MRTFB: variants seen among roughly 807,000 people sequenced by gnomAD.
MRTFB encodes myocardin-related transcription factor B.
Under a neutral mutation model 104.2 loss-of-function variants are expected in MRTFB, and 29 were observed. The observed-to-expected ratio is 0.28, with a 90% confidence interval of 0.21 to 0.38. The LOEUF (loss-of-function observed/expected upper bound fraction) is 0.38. Among genes scored for constraint, MRTFB ranks in the 10% least tolerant of loss-of-function variants. The pLI, the probability that MRTFB is intolerant of heterozygous loss-of-function variation, is 1.00. For synonymous variants in MRTFB, 535 were observed against 519.5 expected (o/e 1.03, Z -0.41); for missense variants, 1,270 against 1,341.6 (o/e 0.95, Z 0.83).
Position 14,261,805 on chromosome 16 carries a change from C to T in MRTFB, c.*361C>T, listed in dbSNP as rs916644036. 4 of 171,940 alleles carry T rather than the reference C, an allele frequency of 2.3e-5. No homozygotes were observed. The highest frequency in any genetic ancestry group is 4.9e-5 in the Non-Finnish European group (4 of 80,946). The allele number at this position is 171,940 out of a possible 1,614,324, so 10.7% of individuals were successfully genotyped here. A position where few individuals can be genotyped will look rare whatever the true frequency, so the allele number is the denominator to read the frequency against. On this transcript the variant is annotated 3_prime_UTR_variant, in exon 17 of 17. Transcript: ENST00000571589. ...CTGGTAATTAACTACATTTAAATCTCTGGTCACTTTAAGACCCTAAATAAA... is the reference window on the plus strand; with the variant it reads ...CTGGTAATTAACTACATTTAAATCTTTGGTCACTTTAAGACCCTAAATAAA...
At chr16:14,198,929 T>C (rs1414784092) in intron 3 of MRTFB, among the ~76,000 whole-genome samples, 1 of 152,228 alleles carries the variant, frequency 6.6e-6, no homozygotes, top group African/African-American at 2.4e-5. Context: ...TTCATTCTTA[T>C]TTCTTTCTTC....
chr16:14,033,396 A>G, the MRTFB span, among the ~76,000 whole-genome samples: 29 of 152,180 alleles, frequency 1.9e-4, no homozygotes, highest in East Asian at 3.3e-3. Context: ...AAAATGTATC[A>G]ATTAGTCAGG....
intron 2 of MRTFB, among the ~76,000 whole-genome samples, chr16:14,136,324 C>G (rs549168096): frequency 4.7e-4 from 71 of 151,844 alleles, no homozygotes; most frequent in African/African-American, 1.6e-3. Context: ...ACCTACTTAT[C>G]CTACTTATGT....
intron 3 of MRTFB, among the ~76,000 whole-genome samples, chr16:14,171,499 G>GA (rs3086621): frequency 2.6e-3 from 358 of 138,688 alleles, no homozygotes; most frequent in Middle Eastern, 7.5e-3. Context: ...ACTCTGTCTC[G>GA]AAAAAAAAAA....
At chr16:14,026,084 A>C in the MRTFB span, among the ~76,000 whole-genome samples, 2 of 152,232 alleles carry the variant, frequency 1.3e-5, no homozygotes, top group Admixed American at 1.3e-4. Flanking sequence ...TTTCTGTCAG[A>C]ATCCCACTAG....
chr16:14,253,551 C>G (rs908672619), intron 15 of MRTFB, among the ~76,000 whole-genome samples: 1 of 152,182 alleles, frequency 6.6e-6, no homozygotes, highest in Non-Finnish European at 1.5e-5. Context: ...AGCAAACAAG[C>G]CAGTCCCTCA....
At chr16:14,013,097 C>T in the MRTFB span, 1 of 152,152 alleles carries the variant, frequency 6.6e-6, no homozygotes, top group African/African-American at 2.4e-5. Flanking sequence ...CAGTATTGAA[C>T]TTGAGATTTC....
the MRTFB span, among the ~76,000 whole-genome samples, chr16:14,015,655 G>A: frequency 3.3e-5 from 5 of 152,128 alleles, no homozygotes; most frequent in Non-Finnish European, 7.4e-5. Flanking sequence ...CTGGGCTGGA[G>A]GTGGCACCAG....
intron 8 of MRTFB, among the ~76,000 whole-genome samples, chr16:14,220,576 A>G (rs2041648306): frequency 1.3e-5 from 2 of 152,250 alleles, no homozygotes; most frequent in African/African-American, 4.8e-5. Context: ...CCACACAGTG[A>G]GCTGACATTC....
At chr16:14,060,551 T>C in the MRTFB span, among the ~76,000 whole-genome samples, 2 of 152,020 alleles carry the variant, frequency 1.3e-5, no homozygotes, top group Non-Finnish European at 2.9e-5. Flanking sequence ...CCCTCAAGGG[T>C]AGGGACCACA....
chr16:14,212,315 ACTCTATTTATACTG>A, intron 4 of MRTFB, 25 bp from the exon 5 acceptor site: 1 of 1,600,036 alleles, frequency 6.2e-7, no homozygotes, highest in Non-Finnish European at 8.6e-7. Flanking sequence ...TGAAGTATGA[ACTCTATTTATACTG>A]TGGAAACCAT....
At chr16:14,226,228 T>C (rs1391121219) in intron 8 of MRTFB, among the ~76,000 whole-genome samples, 4 of 152,224 alleles carry the variant, frequency 2.6e-5, no homozygotes, top group Admixed American at 6.5e-5. Context: ...AAAAATCTTA[T>C]GGAATCCTGA....
chr16:14,175,771 C>G (rs897316915), intron 3 of MRTFB, among the ~76,000 whole-genome samples: 2 of 152,118 alleles, frequency 1.3e-5, no homozygotes, highest in Non-Finnish European at 2.9e-5. Context: ...CAGCGGATTA[C>G]TCAGTAATAG....
the MRTFB span, among the ~76,000 whole-genome samples, chr16:14,042,224 C>CG: frequency 6.6e-6 from 1 of 152,016 alleles, no homozygotes; most frequent in East Asian, 2.0e-4. Context: ...CTCCTGGGTT[C>CG]AAGCAATTCT....
chr16:14,040,029 T>C, the MRTFB span, among the ~76,000 whole-genome samples: 1 of 152,198 alleles, frequency 6.6e-6, no homozygotes, highest in South Asian at 2.1e-4. Flanking sequence ...ATTATAGGCG[T>C]GAGCCACCGC....
At chr16:14,198,263 T>G (rs1049734367) in intron 3 of MRTFB, among the ~76,000 whole-genome samples, 3 of 152,256 alleles carry the variant, frequency 2.0e-5, no homozygotes, top group Admixed American at 2.0e-4. Flanking sequence ...GCCTCTTGGC[T>G]ATTGTGAATA....
intron 1 of MRTFB, 85 bp from the exon 2 acceptor site, chr16:14,079,205 G>A: frequency 3.3e-6 from 1 of 302,642 alleles, no homozygotes; most frequent in Non-Finnish European, 6.1e-6. Context: ...GTTTATCTTA[G>A]ACTTCACATT....
chr16:14,237,406 A>C (rs1255313239), intron 9 of MRTFB, among the ~76,000 whole-genome samples: 1 of 142,838 alleles, frequency 7.0e-6, no homozygotes, highest in Non-Finnish European at 1.5e-5. Flanking sequence ...GCTGTGCCTC[A>C]GTTAAGATGA....
At chr16:14,097,976 T>G (rs2035484215) in intron 2 of MRTFB, among the ~76,000 whole-genome samples, 1 of 152,216 alleles carries the variant, frequency 6.6e-6, no homozygotes, top group Non-Finnish European at 1.5e-5. Context: ...CTGTTCACTG[T>G]TTTTGTTGTT....
Sources: gnomAD v4.1 joint callset for allele counts (sites outside exome capture counted in the v4.1 genomes callset) on GRCh38, gnomAD v4.1.1 for gene constraint, MANE v1.5 for transcripts, NCBI Gene and HGNC (gene_info 2026-07-23, HGNC 2026-07-21) for gene names.